The following CEP89 variants were observed in gnomAD, a reference collection of about 807,000 sequenced individuals.
CEP89 encodes centrosomal protein 89.
CEP89 carries 95 observed loss-of-function variants against 97.6 expected under a neutral mutation model. The ratio of observed to expected loss-of-function variants is 0.97; its 90% CI spans 0.82 to 1.15. The LOEUF is 1.15. CEP89 is among the 50% of genes most tolerant of loss of function. The probability of loss-of-function intolerance (pLI) is 0.00; values close to 1 mark genes in which losing one functional copy is unlikely to be tolerated. For missense variants in CEP89, 869 were observed against 947.7 expected (o/e 0.92, Z 1.09); for synonymous variants, 354 against 349.1 (o/e 1.01, Z -0.16).
intron 2 of CEP89, among the ~76,000 whole-genome samples, chr19:32,960,278 T>C (rs112953087): frequency 1.1e-4 from 17 of 152,180 alleles, no homozygotes; most frequent in African/African-American, 3.9e-4. Flanking sequence ...CCATAGAAAT[T>C]AAATGACTTG....
rs1265298026 is a variant in CEP89 at position 32,876,328 on chromosome 19, G to T, written c.*2834C>A. On this transcript the variant is annotated 3_prime_UTR_variant, in exon 19 of 19. Coordinates refer to ENST00000305768, the MANE Select transcript of CEP89 (RefSeq NM_032816.5). ...AGGCTCACTCGCGTGCCTGGGTCAT[G>T]TTCTACAGCTGCTTGACCAGGAATC... 1 of 152,354 alleles carries T rather than the reference G, an allele frequency of 6.6e-6. No individual in the cohort carries two copies. The highest frequency in any genetic ancestry group is 2.4e-5 in the African/African-American group (1 of 41,434). 9.4% of individuals were successfully genotyped at this position (152,354 alleles called of 1,614,324 possible). A position where few individuals can be genotyped will look rare whatever the true frequency, so the allele number is the denominator to read the frequency against.
chr19:32,949,633 C>T (rs184683240), intron 4 of CEP89, among the ~76,000 whole-genome samples: 1 of 152,184 alleles, frequency 6.6e-6, no homozygotes, highest in East Asian at 1.9e-4. Context: ...ATCCTCCTGC[C>T]TTGGCCTCCC....
At chr19:32,921,234 AAAGAAAG>A (rs1970242476) in intron 12 of CEP89, among the ~76,000 whole-genome samples, 6 of 146,566 alleles carry the variant, frequency 4.1e-5, no homozygotes, top group Admixed American at 2.0e-4. Flanking sequence ...AAAAAAAAAG[AAAGAAAG>A]AAAGAAAGAA....
intron 3 of CEP89, among the ~76,000 whole-genome samples, chr19:32,958,814 C>T (rs968899224): frequency 1.3e-5 from 2 of 151,978 alleles, no homozygotes; most frequent in African/African-American, 4.8e-5. Context: ...GTCGGGAGTT[C>T]AAGACCAGCC....
chr19:32,894,659 T>C (rs1444083256), intron 16 of CEP89, among the ~76,000 whole-genome samples: 1 of 152,228 alleles, frequency 6.6e-6, no homozygotes, highest in African/African-American at 2.4e-5. Flanking sequence ...TGATACATGT[T>C]AGAGCATGTA....
intron 2 of CEP89, among the ~76,000 whole-genome samples, chr19:32,962,389 T>C (rs1020739383): frequency 6.6e-6 from 1 of 152,236 alleles, no homozygotes; most frequent in Non-Finnish European, 1.5e-5. Flanking sequence ...CCTTTGCTTA[T>C]AAATTACCAC....
chr19:32,907,497 G>T (rs543133836), intron 14 of CEP89, among the ~76,000 whole-genome samples: 2 of 151,038 alleles, frequency 1.3e-5, no homozygotes, highest in East Asian at 3.9e-4. Flanking sequence ...TGTCGCCCAG[G>T]CTGGAGTGCA....
At chr19:32,881,154 A>G (rs1969271857) in intron 18 of CEP89, among the ~76,000 whole-genome samples, 1 of 152,164 alleles carries the variant, frequency 6.6e-6, no homozygotes, top group Admixed American at 6.5e-5. Flanking sequence ...AGTTTAAAAA[A>G]GTTGGGCACA....
chr19:32,917,031 A>C (rs1486113429), intron 13 of CEP89, among the ~76,000 whole-genome samples: 1 of 152,096 alleles, frequency 6.6e-6, no homozygotes. Flanking sequence ...AAAATATCTA[A>C]TTGGTCAAAG....
At chr19:32,890,248 A>G (rs1969484293) in intron 16 of CEP89, among the ~76,000 whole-genome samples, 1 of 152,132 alleles carries the variant, frequency 6.6e-6, no homozygotes, top group Non-Finnish European at 1.5e-5. Context: ...AACTACAAAA[A>G]AATTAGCCAG....
chr19:32,964,714 G>A (rs28406474), intron 2 of CEP89, among the ~76,000 whole-genome samples: 4 of 152,102 alleles, frequency 2.6e-5, no homozygotes, highest in African/African-American at 9.7e-5. Context: ...GAAAATACAA[G>A]CTAATCCATA....
At chr19:32,902,658 A>G (rs2145890542) in intron 14 of CEP89, among the ~76,000 whole-genome samples, 1 of 152,326 alleles carries the variant, frequency 6.6e-6, no homozygotes, top group South Asian at 2.1e-4. Context: ...TGTCTGGCAG[A>G]CACCTGCTGA....
chr19:32,888,801 GTTTT>G (rs1316792890), intron 16 of CEP89, among the ~76,000 whole-genome samples: 1 of 151,210 alleles, frequency 6.6e-6, no homozygotes, highest in Non-Finnish European at 1.5e-5. Context: ...TTTTCTTTTT[GTTTT>G]ATTTATTTAT....
intron 1 of CEP89, chr19:32,971,596 G>A: frequency 1.7e-6 from 1 of 589,062 alleles, no homozygotes; most frequent in Non-Finnish European, 3.0e-6. Context: ...GTTCGAGGAT[G>A]CAGTGAGCTA....
chr19:32,882,378 C>T (rs1969302669), intron 17 of CEP89, among the ~76,000 whole-genome samples: 1 of 152,078 alleles, frequency 6.6e-6, no homozygotes, highest in Non-Finnish European at 1.5e-5. Flanking sequence ...GCCTGGCCAA[C>T]ATGGTGAAAC....
At chr19:32,909,189 C>T (rs992349070) in intron 14 of CEP89, among the ~76,000 whole-genome samples, 20 of 152,142 alleles carry the variant, frequency 1.3e-4, no homozygotes, top group African/African-American at 4.8e-4. Flanking sequence ...AGGTGTCAAC[C>T]CACTTCTCTA....
At chr19:32,957,423 T>C (rs913114136) in intron 3 of CEP89, among the ~76,000 whole-genome samples, 6 of 152,148 alleles carry the variant, frequency 3.9e-5, no homozygotes, top group Non-Finnish European at 8.8e-5. Context: ...ATCCCGCACT[T>C]TGGGAGGCCA....
intron 14 of CEP89, among the ~76,000 whole-genome samples, chr19:32,905,452 T>C (rs1206440878): frequency 6.6e-6 from 1 of 151,944 alleles, no homozygotes; most frequent in African/African-American, 2.4e-5. Context: ...TGTAGAGCTC[T>C]CTAGTGAAGG....
Position 32,877,525 on chromosome 19 carries a change from A to G in CEP89, c.*1637T>C, listed in dbSNP as rs938930562. On this transcript the variant is annotated 3_prime_UTR_variant, in exon 19 of 19. Coordinates refer to ENST00000305768, the MANE Select transcript of CEP89 (RefSeq NM_032816.5). Reference sequence around the variant, plus strand: ...CATCTAACACACATGGGACAGAACCATGGCCCCCTGGTATGCTTCTTGGTG... The same window carrying G: ...CATCTAACACACATGGGACAGAACCGTGGCCCCCTGGTATGCTTCTTGGTG... The G allele has an allele frequency of 4.0e-5, 6 of 151,584 alleles. No homozygotes were observed. The highest frequency in any genetic ancestry group is 3.4e-3 in the Middle Eastern group (1 of 292). 9.4% of individuals were successfully genotyped at this position (151,584 alleles called of 1,614,324 possible).
Sources: gnomAD v4.1 joint callset for allele counts (sites outside exome capture counted in the v4.1 genomes callset) on GRCh38, gnomAD v4.1.1 for gene constraint, MANE v1.5 for transcripts, NCBI Gene and HGNC (gene_info 2026-07-23, HGNC 2026-07-21) for gene names.